Variants in PHF20 observed in about 807,000 individuals in gnomAD.
PHF20 encodes glioma-expressed antigen 2.
In PHF20, 23 loss-of-function variants were observed where a neutral mutation model predicts 113.5. The ratio of observed to expected loss-of-function variants is 0.20; its 90% CI spans 0.15 to 0.29. The LOEUF is 0.29. PHF20 is among the 10% of genes least tolerant of loss of function. The probability of loss-of-function intolerance (pLI) is 1.00; values close to 1 mark genes in which losing one functional copy is unlikely to be tolerated. For missense variants in PHF20, 943 were observed against 1,219.6 expected, an observed-to-expected ratio of 0.77 and a Z score of 3.38; for synonymous variants, 434 against 457.3, an observed-to-expected ratio of 0.95 and a Z score of 0.65.
At chr20:35,928,303 G>A (rs2055682569) in intron 14 of PHF20, among the ~76,000 whole-genome samples, 1 of 151,980 alleles carries the variant, frequency 6.6e-6, no homozygotes, top group Non-Finnish European at 1.5e-5. Flanking sequence ...GCTGGGCATG[G>A]TGACAGGCGC....
intron 9 of PHF20, among the ~76,000 whole-genome samples, chr20:35,898,192 TCAGA>T (rs1475944177): frequency 1.3e-5 from 2 of 152,184 alleles, no homozygotes; most frequent in Non-Finnish European, 2.9e-5. Context: ...ATCCTTTTGA[TCAGA>T]CAAAGTATAT....
At position 35,871,838 on chromosome 20, in the gene PHF20, T is replaced by G. The variant is rs574956020; in HGVS notation, c.1282+9T>G. ...GATTTCGACTGTGGAAGGTTCATAT[T>G]TAGAGTTAAATTAATCCTCTTTTTA... On this transcript the variant is annotated intron_variant, in intron 9 of 17. Transcript: ENST00000374012. The G allele has an allele frequency of 2.7e-4, 433 of 1,584,194 alleles. 4 individuals carry two copies. The South Asian group carries it at 4.6e-3, about 17-fold the overall frequency.
chr20:35,946,960 G>A lies in PHF20; in HGVS notation c.2897-525G>A, dbSNP rs899581972. ...CTTGACCTTGTGATCTGCCCGCCTCGACCTCCCAAAGTGCTGGGATTATAG... is the reference window on the plus strand; with the variant it reads ...CTTGACCTTGTGATCTGCCCGCCTCAACCTCCCAAAGTGCTGGGATTATAG... On this transcript the variant is annotated intron_variant, in intron 17 of 17. Transcript: ENST00000374012. 3.9e-5 allele frequency among the ~76,000 whole-genome samples: 6 copies of A among 152,168 alleles called. No individual in the cohort carries two copies. The South Asian group carries it at 6.2e-4, about 16-fold the overall frequency.
intron 13 of PHF20, among the ~76,000 whole-genome samples, chr20:35,921,299 T>C (rs1422630023): frequency 6.6e-6 from 1 of 152,086 alleles, no homozygotes; most frequent in East Asian, 1.9e-4. Flanking sequence ...TCTTAACATA[T>C]GGCTTGGAAC....
intron 1 of PHF20, among the ~76,000 whole-genome samples, chr20:35,795,629 C>T (rs2041652446): frequency 6.6e-6 from 1 of 152,012 alleles, no homozygotes; most frequent in East Asian, 1.9e-4. Flanking sequence ...CCATTATCCC[C>T]ATATCATAAG....
chr20:35,821,400 A>G (rs2042166098), intron 2 of PHF20, among the ~76,000 whole-genome samples: 1 of 149,736 alleles, frequency 6.7e-6, no homozygotes, highest in Non-Finnish European at 1.5e-5. Flanking sequence ...GTGCCACTGC[A>G]TTCCAGTCTA....
At chr20:35,819,638 C>G (rs1395695040) in intron 2 of PHF20, among the ~76,000 whole-genome samples, 1 of 149,934 alleles carries the variant, frequency 6.7e-6, no homozygotes, top group East Asian at 1.9e-4. Flanking sequence ...CTCTTTACTC[C>G]TTACACCATC....
intron 9 of PHF20, among the ~76,000 whole-genome samples, chr20:35,895,299 C>T (rs1019158701): frequency 1.3e-4 from 20 of 151,926 alleles, no homozygotes; most frequent in African/African-American, 4.4e-4. Context: ...GCTGGGATTA[C>T]AGGTGTGAGC....
At chr20:35,916,141 TAAATA>T (rs1349060467) in intron 12 of PHF20, among the ~76,000 whole-genome samples, 1 of 152,046 alleles carries the variant, frequency 6.6e-6, no homozygotes, top group Non-Finnish European at 1.5e-5. Flanking sequence ...CAAAAATAAG[TAAATA>T]AAATAAAAAT....
At chr20:35,804,634 A>G (rs1388140066) in intron 2 of PHF20, among the ~76,000 whole-genome samples, 1 of 151,886 alleles carries the variant, frequency 6.6e-6, no homozygotes, top group Non-Finnish European at 1.5e-5. Context: ...GGCCTCCCAA[A>G]GTGCTGGGAT....
intron 1 of PHF20, among the ~76,000 whole-genome samples, chr20:35,785,567 G>A (rs1041018363): frequency 6.6e-6 from 1 of 151,614 alleles, no homozygotes; most frequent in African/African-American, 2.4e-5. Flanking sequence ...TGATCCTCCC[G>A]CCTCAGCCTC....
Position 35,863,021 on chromosome 20 carries a change from G to A in PHF20, c.429G>A (p.Val143=), listed in dbSNP as rs377578033. 1.3e-6 allele frequency: 2 copies of A among 1,570,470 alleles called. No homozygotes were observed. The highest frequency in any genetic ancestry group is 2.8e-5 in the African/African-American group (2 of 72,370). Residue 143 remains valine, a synonymous_variant, in exon 6 of 18, where the codon GTG becomes GTA. Coordinates refer to ENST00000374012, the MANE Select transcript of PHF20 (RefSeq NM_016436.5). ...VKAFSKDQNI[V]GNARPKETDH... ...TATTTTGCTCATTTTAGAATATTGT[G>A]GGTAATGCTAGGCCTAAAGAAACAG...
At chr20:35,865,174 C>T (rs1202839176) in intron 6 of PHF20, among the ~76,000 whole-genome samples, 1 of 151,120 alleles carries the variant, frequency 6.6e-6, no homozygotes, top group East Asian at 1.9e-4. Flanking sequence ...GCTTGGGCGA[C>T]AAAACAAAAA....
intron 10 of PHF20, among the ~76,000 whole-genome samples, chr20:35,904,967 A>G (rs1456027314): frequency 1.3e-5 from 2 of 151,990 alleles, no homozygotes; most frequent in Non-Finnish European, 2.9e-5. Context: ...CTGGGATTAC[A>G]GGCGTGCACC....
intron 1 of PHF20, among the ~76,000 whole-genome samples, chr20:35,777,165 G>A (rs566790643): frequency 6.6e-6 from 1 of 152,256 alleles, no homozygotes; most frequent in African/African-American, 2.4e-5. Flanking sequence ...CAATGTTTGT[G>A]ACTTCTCTGC....
chr20:35,863,993 C>T (rs953214244), intron 6 of PHF20, among the ~76,000 whole-genome samples: 3 of 152,138 alleles, frequency 2.0e-5, no homozygotes, highest in Non-Finnish European at 4.4e-5. Context: ...TATTAAAAAA[C>T]TTAAAATTTG....
At chr20:35,828,007 T>C (rs1264524780) in intron 2 of PHF20, among the ~76,000 whole-genome samples, 4 of 151,256 alleles carry the variant, frequency 2.6e-5, no homozygotes, top group African/African-American at 9.8e-5. Context: ...GCTGCACTCA[T>C]TAGTTTTATT....
intron 2 of PHF20, among the ~76,000 whole-genome samples, chr20:35,809,330 G>C (rs952605126): frequency 3.3e-5 from 5 of 152,062 alleles, no homozygotes; most frequent in African/African-American, 4.8e-5. Context: ...TGGAATCCCA[G>C]CATTTTGGGA....
Position 35,936,247 on chromosome 20 carries a change from G to A in PHF20, c.2301-2450G>A, listed in dbSNP as rs370399326. Reference sequence around the variant, plus strand: ...TGAGCAGTTTTAGTGGTGTGTCTGGGTCCTGGGTAGGCTCCTGGGACAGGC... The same window carrying A: ...TGAGCAGTTTTAGTGGTGTGTCTGGATCCTGGGTAGGCTCCTGGGACAGGC... On this transcript the variant is annotated intron_variant, in intron 15 of 17. Transcript: ENST00000374012. 1.6e-4 allele frequency among the ~76,000 whole-genome samples: 24 copies of A among 152,272 alleles called. No homozygotes were observed. In the East Asian group the frequency reaches 4.0e-3, roughly 26 times the overall value.
Sources: allele counts gnomAD v4.1 joint callset (sites outside exome capture counted in the v4.1 genomes callset), GRCh38; gene constraint gnomAD v4.1.1; transcripts MANE v1.5; gene names NCBI Gene and HGNC (gene_info 2026-07-23, HGNC 2026-07-21).